The following ABCB11 variants were observed in gnomAD, a reference collection of about 807,000 sequenced individuals.
ABCB11 encodes ATP binding cassette subfamily B member 11.
Under a neutral mutation model 148.0 loss-of-function variants are expected in ABCB11, and 95 were observed. That is an observed-to-expected ratio of 0.64 (90% CI 0.54 to 0.76). The LOEUF (loss-of-function observed/expected upper bound fraction) is 0.76, where lower values mean the gene tolerates loss of function less well. Among genes scored for constraint, ABCB11 ranks in the 30% least tolerant of loss-of-function variants. The probability of loss-of-function intolerance (pLI) is 0.00; values close to 1 mark genes in which losing one functional copy is unlikely to be tolerated. For synonymous variants in ABCB11, 591 were observed against 555.4 expected (o/e 1.06, Z -0.90); for missense variants, 1,523 against 1,617.8 (o/e 0.94, Z 1.01).
In ABCB11 at chr2:168,923,576, C is replaced by T; in HGVS notation, c.*46G>A. The T allele has an allele frequency of 1.3e-6, 2 of 1,575,596 alleles. No homozygotes were observed. Among genetic ancestry groups the T allele is most frequent in the Middle Eastern group, 1.7e-4 (1 of 5,952 alleles). On this transcript the variant is annotated 3_prime_UTR_variant, in exon 28 of 28. Transcript: ENST00000650372. The stretch of plus-strand genomic sequence containing the variant: ...GGATTGTTTTTTTCTTTAAAAACAA[C>T]CCCTGTAACTGGTGCGTCATGTGTG...
chr2:168,973,054 C>T (rs189155519), intron 13 of ABCB11, among the ~76,000 whole-genome samples: 19 of 152,028 alleles, frequency 1.2e-4, no homozygotes, highest in East Asian at 3.9e-4. Flanking sequence ...CTTAGGACTG[C>T]TCTCTCTTAA....
intron 1 of ABCB11, among the ~76,000 whole-genome samples, chr2:169,019,142 G>A (rs147742219): frequency 5.3e-5 from 8 of 152,218 alleles, no homozygotes; most frequent in Non-Finnish European, 8.8e-5. Context: ...TCCTTATGAT[G>A]AAATGCAGAC....
At chr2:169,004,655 A>G (rs542933317) in intron 5 of ABCB11, among the ~76,000 whole-genome samples, 1 of 152,276 alleles carries the variant, frequency 6.6e-6, no homozygotes, top group East Asian at 1.9e-4. Context: ...TCAACCTTCT[A>G]AAGTCTTTTT....
chr2:168,972,686 AT>A (rs1296647452), intron 13 of ABCB11, among the ~76,000 whole-genome samples: 4 of 152,084 alleles, frequency 2.6e-5, no homozygotes, highest in Non-Finnish European at 4.4e-5. Flanking sequence ...TATGTTTGCC[AT>A]GCCTGTGTAA....
In ABCB11 at chr2:168,921,284, A is replaced by T. The variant is rs112479045; in HGVS notation, c.*2338T>A. On this transcript the variant is annotated 3_prime_UTR_variant, in exon 28 of 28. Coordinates refer to ENST00000650372, the MANE Select transcript of ABCB11 (RefSeq NM_003742.4). ...CCAGGAAACACTGGAAAAGAGACAT[A>T]AATAATATACCTCCATATCCTAGTG... Among the ~76,000 whole-genome samples the T allele has an allele frequency of 6.9e-4, 105 of 152,326 alleles. No individual in the cohort carries two copies. The highest frequency in any genetic ancestry group is 2.1e-3 in the African/African-American group (87 of 41,582).
intron 8 of ABCB11, among the ~76,000 whole-genome samples, chr2:168,991,665 T>C (rs902504606): frequency 6.6e-6 from 1 of 152,056 alleles, no homozygotes; most frequent in Non-Finnish European, 1.5e-5. Context: ...TATCTTCCAG[T>C]AGTTTTTCCA....
downstream of ABCB11, among the ~76,000 whole-genome samples, chr2:168,918,213 A>G (rs1166344582): frequency 3.3e-5 from 5 of 152,158 alleles, no homozygotes; most frequent in Non-Finnish European, 7.4e-5. Context: ...TGACTTTGAG[A>G]AGACTATTCA....
intron 19 of ABCB11, among the ~76,000 whole-genome samples, chr2:168,947,935 G>T (rs1272889297): frequency 1.3e-4 from 20 of 151,322 alleles, no homozygotes; most frequent in Admixed American, 1.3e-3. Context: ...AATTATAGTT[G>T]AATCTCTTTT....
Position 168,923,554 on chromosome 2 carries a change from T to C in ABCB11, c.*68A>G. On this transcript the variant is annotated 3_prime_UTR_variant, in exon 28 of 28. Transcript: ENST00000650372. The stretch of plus-strand genomic sequence containing the variant: ...ATCCCAGCAATCCCTCCTGCTGGGA[T>C]TGTTTTTTTCTTTAAAAACAACCCC... 2 of 1,441,276 alleles carry C rather than the reference T, an allele frequency of 1.4e-6. No homozygotes were observed. The highest frequency in any genetic ancestry group is 1.7e-5 in the Admixed American group (1 of 57,938). The allele number at this position is 1,441,276 out of a possible 1,614,324, so 89.3% of individuals were successfully genotyped here. A position where few individuals can be genotyped will look rare whatever the true frequency, so the allele number is the denominator to read the frequency against.
intron 5 of ABCB11, among the ~76,000 whole-genome samples, chr2:169,009,241 G>A (rs192248079): frequency 1.3e-5 from 2 of 152,040 alleles, no homozygotes; most frequent in Non-Finnish European, 2.9e-5. Flanking sequence ...TATACCCAAA[G>A]GATTATAAAT....
chr2:168,954,045 G>A (rs1692680822), intron 19 of ABCB11, among the ~76,000 whole-genome samples: 1 of 151,596 alleles, frequency 6.6e-6, no homozygotes, highest in Non-Finnish European at 1.5e-5. Flanking sequence ...AGGACTTCCA[G>A]AGGCTGTGTC....
chr2:168,924,010 C>T (rs181614936), intron 27 of ABCB11, among the ~76,000 whole-genome samples, 188 bp from the exon 28 acceptor site: 181 of 152,290 alleles, frequency 1.2e-3, no homozygotes, highest in African/African-American at 4.2e-3. Context: ...AATGGCAGTG[C>T]ACTGGCTGAG....
intron 19 of ABCB11, among the ~76,000 whole-genome samples, chr2:168,953,148 G>A (rs1412027706): frequency 6.6e-6 from 1 of 151,612 alleles, no homozygotes; most frequent in East Asian, 1.9e-4. Context: ...CTTGCAAAAT[G>A]TTCCATATCC....
At chr2:168,959,608 G>A (rs1366373819) in intron 18 of ABCB11, among the ~76,000 whole-genome samples, 1 of 151,510 alleles carries the variant, frequency 6.6e-6, no homozygotes, top group Non-Finnish European at 1.5e-5. Flanking sequence ...ACCTTCATTC[G>A]GGTTATTTTT....
rs368420094 is a variant in ABCB11, at chr2:168,963,581, ATGT to A, written c.2178+622_2178+624del. ...AGGAAGAAATTGTGTATTGCTATAC[ATGT>A]TGTTTGCTTTCCTAGCTCTTTAATT... On this transcript the variant is annotated intron_variant, in intron 18 of 27. Coordinates refer to ENST00000650372, the MANE Select transcript of ABCB11 (RefSeq NM_003742.4). Among the ~76,000 whole-genome samples the A allele has an allele frequency of 1.8e-3, 274 of 151,890 alleles. 2 individuals are homozygous for A. The highest frequency in any genetic ancestry group is 6.1e-3 in the African/African-American group (254 of 41,528).
rs372861607 is a variant in ABCB11, at chr2:168,990,847, T to C, written c.862A>G (p.Met288Val). 11 of 1,613,116 alleles carry C rather than the reference T, an allele frequency of 6.8e-6. No individual in the cohort carries two copies. The highest frequency in any genetic ancestry group is 2.2e-5 in the East Asian group (1 of 44,880). ...GVVADEVISS[M>V]RTVAAFGGEK... ...CCACCAAAAGCAGCCACTGTTCTCATTGATGAAATGACTTCATCAGCCACC... is the reference window on the plus strand; with the variant it reads ...CCACCAAAAGCAGCCACTGTTCTCACTGATGAAATGACTTCATCAGCCACC... Residue 288 changes from methionine to valine, a missense_variant, in exon 9 of 28, where the codon ATG (methionine) becomes GTG (valine). Met to Val is a conservative substitution (Grantham distance 21). Transcript: ENST00000650372.
intron 21 of ABCB11, among the ~76,000 whole-genome samples, chr2:168,937,982 G>A (rs1691902800): frequency 6.6e-6 from 1 of 152,066 alleles, no homozygotes; most frequent in Admixed American, 6.5e-5. Context: ...AAAATACTTG[G>A]GTGAGGACAA....
intron 6 of ABCB11, 65 bp from the exon 7 acceptor site, chr2:168,995,547 A>G (rs1694686373): frequency 1.3e-6 from 2 of 1,529,574 alleles, no homozygotes; most frequent in Non-Finnish European, 1.8e-6. Context: ...TTCTTTTTTC[A>G]GAAGAAAGTA....
chr2:168,968,539 C>T (rs1235933125), intron 16 of ABCB11, 49 bp from the exon 17 acceptor site: 6 of 1,442,054 alleles, frequency 4.2e-6, no homozygotes, highest in Non-Finnish European at 5.7e-6. Context: ...ATAAACAGAA[C>T]CATATCCAAG....
Sources: gnomAD v4.1 joint callset for allele counts (sites outside exome capture counted in the v4.1 genomes callset) on GRCh38, gnomAD v4.1.1 for gene constraint, MANE v1.5 for transcripts, NCBI Gene and HGNC (gene_info 2026-07-23, HGNC 2026-07-21) for gene names.